ARHGAP15: variants seen among roughly 807,000 people sequenced by gnomAD.
ARHGAP15 encodes the protein rho GTPase-activating protein 15.
In ARHGAP15, 51 loss-of-function variants were observed where a neutral mutation model predicts 63.7. That is an observed-to-expected ratio of 0.80 (90% CI 0.64 to 1.01). The LOEUF is 1.01. Among genes scored for constraint, ARHGAP15 ranks in the 50% least tolerant of loss-of-function variants. ARHGAP15 has a pLI of 0.00. For missense variants in ARHGAP15, 560 were observed against 564.6 expected, an observed-to-expected ratio of 0.99 and a Z score of 0.08; for synonymous variants, 191 against 193.8, an observed-to-expected ratio of 0.99 and a Z score of 0.12.
intron 2 of ARHGAP15, among the ~76,000 whole-genome samples, chr2:143,197,679 A>T (rs907932308): frequency 6.6e-6 from 1 of 152,036 alleles, no homozygotes. Flanking sequence ...TTTACTGAGA[A>T]CAACATTAAA....
chr2:143,606,036 A>T, intron 11 of ARHGAP15, among the ~76,000 whole-genome samples: 1 of 35,618 alleles, frequency 2.8e-5, no homozygotes, highest in Non-Finnish European at 7.2e-5. Context: ...ACTCTGTCTC[A>T]AAAAAAAAAA....
intron 1 of ARHGAP15, among the ~76,000 whole-genome samples, chr2:143,146,641 T>TA (rs1689603588): frequency 1.3e-5 from 2 of 152,078 alleles, no homozygotes; most frequent in South Asian, 4.1e-4. Context: ...ACAAGCTATT[T>TA]AAAATGTATT....
intron 1 of ARHGAP15, among the ~76,000 whole-genome samples, chr2:143,139,409 T>G (rs1200037516): frequency 6.6e-6 from 1 of 152,116 alleles, no homozygotes; most frequent in African/African-American, 2.4e-5. Context: ...ATCTATTGAG[T>G]CTTGTCTAGA....
intron 11 of ARHGAP15, among the ~76,000 whole-genome samples, chr2:143,610,876 G>A (rs1298818277): frequency 2.0e-5 from 3 of 151,850 alleles, no homozygotes; most frequent in Non-Finnish European, 2.9e-5. Flanking sequence ...CTACAGGCAC[G>A]CACCATCATG....
At chr2:143,500,556 A>C (rs1166508396) in intron 9 of ARHGAP15, among the ~76,000 whole-genome samples, 1 of 152,206 alleles carries the variant, frequency 6.6e-6, no homozygotes, top group Non-Finnish European at 1.5e-5. Flanking sequence ...CAAATTATGA[A>C]GGATGCTCTG....
intron 6 of ARHGAP15, among the ~76,000 whole-genome samples, chr2:143,358,466 A>G: frequency 6.6e-6 from 1 of 152,076 alleles, no homozygotes; most frequent in African/African-American, 2.4e-5. Context: ...CACATTTAAT[A>G]TGACATTATG....
At chr2:143,335,870 C>T (rs1360153001) in intron 6 of ARHGAP15, among the ~76,000 whole-genome samples, 1 of 152,076 alleles carries the variant, frequency 6.6e-6, no homozygotes, top group African/African-American at 2.4e-5. Context: ...AAATGCACTC[C>T]AAGAAGACAG....
intron 6 of ARHGAP15, among the ~76,000 whole-genome samples, chr2:143,411,707 G>GA (rs1425936737): frequency 1.3e-5 from 2 of 151,952 alleles, no homozygotes; most frequent in African/African-American, 4.8e-5. Context: ...AACTAAAACA[G>GA]AAAAAATATC....
At chr2:143,276,803 A>G (rs187762469) in intron 6 of ARHGAP15, among the ~76,000 whole-genome samples, 2 of 152,236 alleles carry the variant, frequency 1.3e-5, no homozygotes, top group East Asian at 3.9e-4. Flanking sequence ...TGTCTCTTAA[A>G]AAACAAAACA....
chr2:143,744,876 A>G (rs1559157376), intron 13 of ARHGAP15, among the ~76,000 whole-genome samples: 1 of 151,924 alleles, frequency 6.6e-6, no homozygotes, highest in Non-Finnish European at 1.5e-5. Context: ...CTGGGATTTA[A>G]AAATACGTAC....
chr2:143,442,917 T>C (rs1558974778), intron 8 of ARHGAP15, among the ~76,000 whole-genome samples: 1 of 152,198 alleles, frequency 6.6e-6, no homozygotes, highest in African/African-American at 2.4e-5. Context: ...TTTCTGAATA[T>C]AAGTTACATT....
At chr2:143,278,551 T>C (rs1681682314) in intron 6 of ARHGAP15, among the ~76,000 whole-genome samples, 1 of 152,140 alleles carries the variant, frequency 6.6e-6, no homozygotes, top group African/African-American at 2.4e-5. Context: ...TTGGGCATTA[T>C]CTATTGTCAT....
chr2:143,488,273 A>G (rs1692417547), intron 9 of ARHGAP15, among the ~76,000 whole-genome samples: 1 of 152,250 alleles, frequency 6.6e-6, no homozygotes, highest in Non-Finnish European at 1.5e-5. Context: ...GAGTTTCTGG[A>G]ACAAAAGTAA....
At chr2:143,700,389 G>A (rs1559133282) in intron 12 of ARHGAP15, among the ~76,000 whole-genome samples, 1 of 152,092 alleles carries the variant, frequency 6.6e-6, no homozygotes, top group Non-Finnish European at 1.5e-5. Flanking sequence ...GAACCAACAA[G>A]ACTACTCCCC....
intron 8 of ARHGAP15, among the ~76,000 whole-genome samples, chr2:143,442,891 CAAAG>C (rs1689953900): frequency 6.6e-6 from 1 of 152,048 alleles, no homozygotes; most frequent in African/African-American, 2.4e-5. Flanking sequence ...CTGAACCTTT[CAAAG>C]AAAGATCAAA....
chr2:143,254,815 G>T (rs574543406), intron 6 of ARHGAP15, among the ~76,000 whole-genome samples: 1 of 151,820 alleles, frequency 6.6e-6, no homozygotes, highest in South Asian at 2.1e-4. Context: ...AATTGTTACT[G>T]CTAAGGGTAC....
intron 9 of ARHGAP15, among the ~76,000 whole-genome samples, chr2:143,494,732 C>G (rs1389154733): frequency 6.6e-6 from 1 of 152,128 alleles, no homozygotes; most frequent in Non-Finnish European, 1.5e-5. Flanking sequence ...ATGACTAGAG[C>G]TCTGAAAACA....
At chr2:143,600,435 G>A (rs1471228548) in intron 11 of ARHGAP15, among the ~76,000 whole-genome samples, 1 of 152,044 alleles carries the variant, frequency 6.6e-6, no homozygotes, top group African/African-American at 2.4e-5. Context: ...TAACTCAGTA[G>A]GCCTTCATAT....
intron 11 of ARHGAP15, among the ~76,000 whole-genome samples, chr2:143,599,475 A>G (rs1032620352): frequency 6.6e-5 from 10 of 152,110 alleles, no homozygotes; most frequent in African/African-American, 1.9e-4. Flanking sequence ...AGTGTTGAGG[A>G]TCGCTTGAAA....
Sources: gnomAD v4.1 joint callset for allele counts (sites outside exome capture counted in the v4.1 genomes callset) on GRCh38, gnomAD v4.1.1 for gene constraint, MANE v1.5 for transcripts, NCBI Gene and HGNC (gene_info 2026-07-23, HGNC 2026-07-21) for gene names.